BMPR1B: variants seen among roughly 807,000 people sequenced by gnomAD.
The protein encoded by BMPR1B is bone morphogenetic protein receptor type 1B, also known as bone morphogenetic protein receptor type-1B.
In BMPR1B, 12 loss-of-function variants were observed where a neutral mutation model predicts 59.1. That is an observed-to-expected ratio of 0.20 (90% confidence interval 0.13 to 0.33). BMPR1B has a LOEUF of 0.33. BMPR1B is among the 10% of genes least tolerant of loss of function. The pLI, the probability that BMPR1B is intolerant of heterozygous loss-of-function variation, is 1.00. For missense variants in BMPR1B, 550 were observed against 610.9 expected, an observed-to-expected ratio of 0.90 and a Z score of 1.05; for synonymous variants, 237 against 207.3, an observed-to-expected ratio of 1.14 and a Z score of -1.23.
chr4:94,869,183 T>C (rs1726382306), intron 1 of BMPR1B, among the ~76,000 whole-genome samples: 1 of 152,034 alleles, frequency 6.6e-6, no homozygotes, highest in Non-Finnish European at 1.5e-5. Context: ...ATTTGTCAGA[T>C]AATTTCTGAT....
chr4:94,994,135 A>G (rs908774769), intron 2 of BMPR1B, among the ~76,000 whole-genome samples: 3 of 152,210 alleles, frequency 2.0e-5, no homozygotes, highest in Admixed American at 2.0e-4. Flanking sequence ...AATTCTTTTA[A>G]GAGTCTGTGA....
At position 95,154,670 on chromosome 4, in the gene BMPR1B, CTG is replaced by C; in HGVS notation, c.1507_1508del (p.Ter503IlefsTer6). The part of the protein sequence containing the change: ...KMSESQDIKL[*>X] ...TGTCAGAGTCCCAGGACATTAAACT[CTG>C]ATAGGAGAGGAAAAGTAAGCATCTC... On this transcript the variant is annotated frameshift_variant and stop_lost, in exon 13 of 13. Transcript: ENST00000515059. LOFTEE classifies it high-confidence loss of function. 2.5e-6 allele frequency: 4 copies of C among 1,614,054 alleles called. No individual in the cohort carries two copies. Among genetic ancestry groups the C allele is most frequent in the Non-Finnish European group, 3.4e-6 (4 of 1,179,942 alleles).
intron 2 of BMPR1B, among the ~76,000 whole-genome samples, chr4:94,936,690 A>G (rs905380466): frequency 1.6e-4 from 25 of 152,180 alleles, no homozygotes; most frequent in Admixed American, 1.3e-3. Context: ...TAGAAAAAAT[A>G]TTTAGTTTAT....
chr4:95,053,417 C>T (rs1726674948), intron 3 of BMPR1B, among the ~76,000 whole-genome samples: 1 of 151,758 alleles, frequency 6.6e-6, no homozygotes, highest in Admixed American at 6.6e-5. Context: ...AATCTTAGCT[C>T]TGCCACTCAC....
At chr4:94,993,475 G>T (rs1266828591) in intron 2 of BMPR1B, among the ~76,000 whole-genome samples, 1 of 151,910 alleles carries the variant, frequency 6.6e-6, no homozygotes, top group Non-Finnish European at 1.5e-5. Flanking sequence ...AGTATGACAG[G>T]GTGGCCGGGT....
chr4:95,090,107 A>G (rs1279431165), intron 3 of BMPR1B, among the ~76,000 whole-genome samples: 1 of 152,068 alleles, frequency 6.6e-6, no homozygotes, highest in Non-Finnish European at 1.5e-5. Context: ...TTGAGAGAGA[A>G]TGTTCTCATG....
chr4:95,050,631 A>G (rs1726432392), intron 3 of BMPR1B, among the ~76,000 whole-genome samples: 1 of 152,178 alleles, frequency 6.6e-6, no homozygotes, highest in African/African-American at 2.4e-5. Context: ...CCAAGAAAAG[A>G]TTTTTTAAAA....
intron 2 of BMPR1B, among the ~76,000 whole-genome samples, chr4:94,991,204 C>T (rs1194845111): frequency 6.6e-6 from 1 of 152,108 alleles, no homozygotes. Flanking sequence ...AATTGTTTTT[C>T]AGTCTTTATG....
At chr4:94,794,192 T>C (rs1466209526) in intron 1 of BMPR1B, among the ~76,000 whole-genome samples, 3 of 137,628 alleles carry the variant, frequency 2.2e-5, no homozygotes, top group Non-Finnish European at 4.7e-5. Context: ...AATTGATTTT[T>C]GTATAAGGTG....
chr4:94,962,147 TTTTC>T (rs2149067325), intron 2 of BMPR1B, among the ~76,000 whole-genome samples: 4 of 94,448 alleles, frequency 4.2e-5, no homozygotes, highest in African/African-American at 1.0e-4. Context: ...TTCCTTTCTT[TTTTC>T]TTTTTTTTGA....
chr4:94,779,706 C>T (rs1391415248), intron 1 of BMPR1B, among the ~76,000 whole-genome samples: 1 of 152,032 alleles, frequency 6.6e-6, no homozygotes, highest in Non-Finnish European at 1.5e-5. Flanking sequence ...GTGGCACGTG[C>T]CTGTAGTCCG....
chr4:94,985,509 CTGTGTGTGTGTGTGTGTGTG>C lies in BMPR1B; in HGVS notation c.-112-10501_-112-10482del, dbSNP rs60003954. On this transcript the variant is annotated intron_variant, in intron 2 of 12. Coordinates refer to ENST00000515059, the MANE Select transcript of BMPR1B (RefSeq NM_001203.3). Reference sequence around the variant, plus strand: ...AACACCAGAGAAACCAAAATAAGAGCTGTGTGTGTGTGTGTGTGTGTGTGTGTGTGTGTGTGTGTGTGTGT... The same window carrying C: ...AACACCAGAGAAACCAAAATAAGAGCTGTGTGTGTGTGTGTGTGTGTGTGT... 6.6e-4 allele frequency among the ~76,000 whole-genome samples: 92 copies of C among 138,892 alleles called. 2 individuals carry two copies. The highest frequency in any genetic ancestry group is 4.1e-3 in the East Asian group (20 of 4,850). The allele number at this position is 138,892 out of a possible 152,430, so 91.1% of individuals were successfully genotyped here.
intron 3 of BMPR1B, among the ~76,000 whole-genome samples, chr4:95,005,425 G>T (rs1370011156): frequency 6.6e-6 from 1 of 151,936 alleles, no homozygotes; most frequent in African/African-American, 2.4e-5. Context: ...GTACATTGGC[G>T]TCCTGTAAGG....
At chr4:95,075,845 C>A (rs1728666204) in intron 3 of BMPR1B, among the ~76,000 whole-genome samples, 1 of 152,114 alleles carries the variant, frequency 6.6e-6, no homozygotes, top group African/African-American at 2.4e-5. Context: ...GGCTTCTGTC[C>A]ATAGCTTTCT....
chr4:94,967,344 G>A lies in BMPR1B; in HGVS notation c.-112-28696G>A, dbSNP rs1168914748. On this transcript the variant is annotated intron_variant, in intron 2 of 12. Coordinates refer to ENST00000515059, the MANE Select transcript of BMPR1B (RefSeq NM_001203.3). ...AGAAAGTAGGGATTGTCACAAATAC[G>A]ACCCTGTTGTTAGAGATTATTATGC... is the stretch of plus-strand genomic sequence containing the variant. Among the ~76,000 whole-genome samples the A allele has an allele frequency of 2.0e-5, 3 of 152,046 alleles. No individual in the cohort carries two copies. The East Asian group carries it at 5.8e-4, about 29-fold the overall frequency.
At chr4:94,911,566 T>C (rs1578793547) in intron 2 of BMPR1B, among the ~76,000 whole-genome samples, 1 of 152,296 alleles carries the variant, frequency 6.6e-6, no homozygotes, top group South Asian at 2.1e-4. Context: ...GTGTGGTTTC[T>C]GGAAATTCAG....
rs907457993 is a variant in BMPR1B, at chr4:94,784,591, C to T, written c.-183+26523C>T. 3.3e-5 allele frequency among the ~76,000 whole-genome samples: 5 copies of T among 152,120 alleles called. 1 individual carries two copies. The highest frequency in any genetic ancestry group is 3.3e-4 in the Admixed American group (5 of 15,272). ...CAGACTAGTCTTATACTCCTGGCCTCAAGTGATCTTCCTGCCTTGGCCTCT... is the reference window on the plus strand; with the variant it reads ...CAGACTAGTCTTATACTCCTGGCCTTAAGTGATCTTCCTGCCTTGGCCTCT... On this transcript the variant is annotated intron_variant, in intron 1 of 12. Coordinates refer to ENST00000515059, the MANE Select transcript of BMPR1B (RefSeq NM_001203.3).
intron 8 of BMPR1B, among the ~76,000 whole-genome samples, chr4:95,125,530 C>G (rs1732845764): frequency 6.6e-6 from 1 of 152,148 alleles, no homozygotes; most frequent in South Asian, 2.1e-4. Flanking sequence ...GTTTATGTTT[C>G]AGGGTAAAGT....
intron 1 of BMPR1B, among the ~76,000 whole-genome samples, chr4:94,762,441 A>G (rs1271144264): frequency 6.6e-6 from 1 of 152,194 alleles, no homozygotes; most frequent in African/African-American, 2.4e-5. Context: ...AGTAACAAGA[A>G]AGAGCCAACC....
Sources: gnomAD v4.1 joint callset for allele counts (sites outside exome capture counted in the v4.1 genomes callset) on GRCh38, gnomAD v4.1.1 for gene constraint, MANE v1.5 for transcripts, NCBI Gene and HGNC (gene_info 2026-07-23, HGNC 2026-07-21) for gene names.